TTC28: variants seen among roughly 807,000 people sequenced by gnomAD.
The protein encoded by TTC28 is tetratricopeptide repeat protein 28.
Under a neutral mutation model 198.0 loss-of-function variants are expected in TTC28, and 61 were observed. That is an observed-to-expected ratio of 0.31 (90% CI 0.25 to 0.38). TTC28 has a LOEUF of 0.38. Ranked by LOEUF, TTC28 falls within the 10% of genes least tolerant of loss-of-function variation. The pLI, the probability that TTC28 is intolerant of heterozygous loss-of-function variation, is 1.00. For synonymous variants in TTC28, 1,171 were observed against 1,297.8 expected, an observed-to-expected ratio of 0.90 and a Z score of 2.10; for missense variants, 2,678 against 3,164.0, an observed-to-expected ratio of 0.85 and a Z score of 3.69.
At chr22:28,435,615 C>T (rs761214245) in intron 2 of TTC28, among the ~76,000 whole-genome samples, 11 of 152,170 alleles carry the variant, frequency 7.2e-5, no homozygotes, top group Admixed American at 2.0e-4. Flanking sequence ...TGGCTGCTGG[C>T]GCCCTTTCTT....
chr22:28,004,677 T>C (rs1601508013), intron 14 of TTC28, among the ~76,000 whole-genome samples: 1 of 152,078 alleles, frequency 6.6e-6, no homozygotes, highest in Non-Finnish European at 1.5e-5. Context: ...GGGAGACGGG[T>C]AGAACAGCAG....
intron 12 of TTC28, among the ~76,000 whole-genome samples, chr22:28,039,136 G>C (rs1239689728): frequency 2.0e-5 from 3 of 152,156 alleles, no homozygotes. Flanking sequence ...TCTAGAACTA[G>C]AAATACCATT....
chr22:28,405,131 G>A (rs2046980708), intron 2 of TTC28, among the ~76,000 whole-genome samples: 2 of 152,140 alleles, frequency 1.3e-5, no homozygotes, highest in African/African-American at 4.8e-5. Flanking sequence ...AGGATCATAT[G>A]TCAGTTTTTA....
chr22:28,658,887 G>C (rs12169880), intron 1 of TTC28, among the ~76,000 whole-genome samples: 20,716 of 152,056 alleles, frequency 0.14, 1,653 homozygotes, highest in African/African-American at 0.2. Flanking sequence ...ATCTCAGCTA[G>C]TCAGGAGACT....
At chr22:28,579,206 C>CACAT (rs932969739) in intron 2 of TTC28, among the ~76,000 whole-genome samples, 1 of 149,874 alleles carries the variant, frequency 6.7e-6, no homozygotes, top group African/African-American at 2.5e-5. Context: ...ATTATATATA[C>CACAT]ACATACATAC....
intron 2 of TTC28, among the ~76,000 whole-genome samples, chr22:28,555,157 C>T (rs112436972): frequency 1.3e-5 from 2 of 152,140 alleles, no homozygotes; most frequent in African/African-American, 4.8e-5. Flanking sequence ...TGTAATACCA[C>T]CTCACTCCTG....
chr22:28,628,985 T>A (rs2051123780), intron 2 of TTC28, among the ~76,000 whole-genome samples: 1 of 151,912 alleles, frequency 6.6e-6, no homozygotes, highest in Admixed American at 6.6e-5. Flanking sequence ...AGAAAGGAAT[T>A]GTTTCTAAAA....
chr22:28,470,282 A>C (rs2048081298), intron 2 of TTC28, among the ~76,000 whole-genome samples: 1 of 152,170 alleles, frequency 6.6e-6, no homozygotes, highest in East Asian at 1.9e-4. Context: ...TGGGTTCCTA[A>C]CTACTTTCTA....
rs746702720 is a variant in TTC28, at chr22:28,510,834, A to C, written c.381+118718T>G. 1.8e-4 allele frequency among the ~76,000 whole-genome samples: 28 copies of C among 152,092 alleles called. 1 individual carries two copies. The highest frequency in any genetic ancestry group is 5.9e-5 in the Non-Finnish European group (4 of 68,026). On this transcript the variant is annotated intron_variant, in intron 2 of 22. Transcript: ENST00000397906. ...CTCAGAATACAAAATCAATGTGCAA[A>C]AATCACTAGCATTCCTATACACCAA...
chr22:28,315,323 T>C (rs1170249488), intron 2 of TTC28, among the ~76,000 whole-genome samples: 5 of 152,180 alleles, frequency 3.3e-5, no homozygotes, highest in African/African-American at 4.8e-5. Context: ...GACTGTGTTC[T>C]AGAGTTCTGA....
At chr22:28,543,690 C>A (rs1485625722) in intron 2 of TTC28, among the ~76,000 whole-genome samples, 1 of 152,094 alleles carries the variant, frequency 6.6e-6, no homozygotes, top group Non-Finnish European at 1.5e-5. Context: ...GAAAAAATAA[C>A]AATCCTACAC....
intron 12 of TTC28, among the ~76,000 whole-genome samples, chr22:28,079,903 T>C (rs929522866): frequency 6.6e-6 from 1 of 152,098 alleles, no homozygotes; most frequent in East Asian, 1.9e-4. Flanking sequence ...GTTTTAAAAA[T>C]TTTTTTGTAG....
At chr22:28,222,709 C>G (rs1160469813) in intron 5 of TTC28, among the ~76,000 whole-genome samples, 5 of 152,168 alleles carry the variant, frequency 3.3e-5, no homozygotes, top group Non-Finnish European at 7.3e-5. Flanking sequence ...CAGTATCAGT[C>G]AATTCTCTTC....
chr22:27,999,309 G>A (rs748064794), intron 15 of TTC28, 49 bp from the exon 16 acceptor site: 33 of 1,500,936 alleles, frequency 2.2e-5, no homozygotes, highest in Non-Finnish European at 2.5e-5. Flanking sequence ...AGAACAGCCA[G>A]GCTGCCCGGC....
chr22:28,601,661 G>A (rs2050640136), intron 2 of TTC28, among the ~76,000 whole-genome samples: 1 of 152,038 alleles, frequency 6.6e-6, no homozygotes, highest in African/African-American at 2.4e-5. Context: ...AATCTCCCAA[G>A]ATACTGAGAG....
At chr22:28,267,156 C>T (rs181173782) in intron 5 of TTC28, among the ~76,000 whole-genome samples, 2 of 152,284 alleles carry the variant, frequency 1.3e-5, no homozygotes, top group East Asian at 3.9e-4. Context: ...TTGTACTACA[C>T]ACTGGGCCAA....
intron 18 of TTC28, 94 bp from the exon 19 acceptor site, chr22:27,992,757 C>A (rs911973889): frequency 8.1e-6 from 10 of 1,232,386 alleles, no homozygotes; most frequent in African/African-American, 1.5e-5. Flanking sequence ...AAATCCTTGG[C>A]ATCGGTGGCA....
chr22:28,155,292 C>A (rs574896684), intron 6 of TTC28, among the ~76,000 whole-genome samples: 44 of 152,264 alleles, frequency 2.9e-4, no homozygotes, highest in Middle Eastern at 6.8e-3. Flanking sequence ...CCAATTATTC[C>A]AATCACTGTG....
intron 12 of TTC28, among the ~76,000 whole-genome samples, chr22:28,048,887 C>T (rs1939970419): frequency 1.3e-5 from 2 of 152,128 alleles, no homozygotes; most frequent in Admixed American, 6.5e-5. Flanking sequence ...AAAATTAAGC[C>T]TCTCCCTCCA....
Sources: gnomAD v4.1 joint callset for allele counts (sites outside exome capture counted in the v4.1 genomes callset) on GRCh38, gnomAD v4.1.1 for gene constraint, MANE v1.5 for transcripts, NCBI Gene and HGNC (gene_info 2026-07-23, HGNC 2026-07-21) for gene names.